Variants in NCAM2 observed in about 807,000 individuals in gnomAD.
The protein encoded by NCAM2 is N-CAM-2.
NCAM2 carries 30 observed loss-of-function variants against 98.1 expected under a neutral mutation model. The observed-to-expected ratio is 0.31, with a 90% CI of 0.23 to 0.41. The LOEUF is 0.41. NCAM2 is among the 10% of genes least tolerant of loss of function. The pLI, the probability that NCAM2 is intolerant of heterozygous loss-of-function variation, is 1.00. For synonymous variants in NCAM2, 368 were observed against 342.4 expected (o/e 1.07, Z -0.83); for missense variants, 867 against 1,005.8 (o/e 0.86, Z 1.87).
chr21:21,145,941 G>A (rs951913799), intron 1 of NCAM2, among the ~76,000 whole-genome samples: 7 of 152,110 alleles, frequency 4.6e-5, no homozygotes, highest in Non-Finnish European at 7.4e-5. Flanking sequence ...GAAGAAGAAA[G>A]GCCAGGAAGC....
chr21:21,347,101 TAAAC>T (rs1170469500), intron 8 of NCAM2, among the ~76,000 whole-genome samples: 2 of 151,842 alleles, frequency 1.3e-5, no homozygotes, highest in African/African-American at 2.4e-5. Flanking sequence ...ATTAAAAAGT[TAAAC>T]AAAATTTACA....
intron 5 of NCAM2, among the ~76,000 whole-genome samples, chr21:21,309,815 G>T (rs1171542159): frequency 6.7e-6 from 1 of 150,012 alleles, no homozygotes; most frequent in African/African-American, 2.5e-5. Context: ...TAGACAGTAA[G>T]CTGAGACACA....
intron 1 of NCAM2, among the ~76,000 whole-genome samples, 188 bp from the exon 2 acceptor site, chr21:21,280,390 A>G (rs190363602): frequency 5.3e-4 from 80 of 152,278 alleles, no homozygotes; most frequent in Middle Eastern, 3.4e-3. Context: ...TCTGATGGTT[A>G]AATGCATAAC....
intron 11 of NCAM2, among the ~76,000 whole-genome samples, chr21:21,430,817 G>T (rs1348575119): frequency 6.6e-6 from 1 of 151,952 alleles, no homozygotes; most frequent in Non-Finnish European, 1.5e-5. Flanking sequence ...GGAGGCCAAG[G>T]TGGGCAGATC....
intron 1 of NCAM2, among the ~76,000 whole-genome samples, chr21:21,085,567 A>T (rs1350679631): frequency 6.6e-6 from 1 of 152,114 alleles, no homozygotes; most frequent in Non-Finnish European, 1.5e-5. Flanking sequence ...TTTCTCTTCA[A>T]ATTTTCACCA....
At chr21:21,225,757 A>T (rs892637880) in intron 1 of NCAM2, among the ~76,000 whole-genome samples, 2 of 152,114 alleles carry the variant, frequency 1.3e-5, no homozygotes, top group Non-Finnish European at 2.9e-5. Flanking sequence ...ACAGCATGTA[A>T]TAATATTCCA....
At chr21:21,276,802 A>G (rs2072744807) in intron 1 of NCAM2, among the ~76,000 whole-genome samples, 1 of 152,090 alleles carries the variant, frequency 6.6e-6, no homozygotes, top group Non-Finnish European at 1.5e-5. Flanking sequence ...TATTTTAAAC[A>G]TATATAGCAA....
At chr21:21,480,114 C>T (rs1985702631) in intron 15 of NCAM2, among the ~76,000 whole-genome samples, 1 of 152,032 alleles carries the variant, frequency 6.6e-6, no homozygotes, top group African/African-American at 2.4e-5. Context: ...CGCCAGCAAT[C>T]CCAGCACTTT....
chr21:21,405,837 A>G (rs1323824790), intron 9 of NCAM2, among the ~76,000 whole-genome samples: 2 of 152,276 alleles, frequency 1.3e-5, no homozygotes, highest in South Asian at 2.1e-4. Flanking sequence ...TTTCTAAACT[A>G]CAATCTAGGG....
intron 15 of NCAM2, among the ~76,000 whole-genome samples, chr21:21,486,195 T>G (rs922094032): frequency 2.0e-5 from 3 of 147,726 alleles, no homozygotes; most frequent in Non-Finnish European, 3.0e-5. Flanking sequence ...TCCCAGCTAC[T>G]CGGGAGGCTG....
intron 1 of NCAM2, among the ~76,000 whole-genome samples, chr21:21,237,321 C>T (rs2070871427): frequency 6.6e-6 from 1 of 152,056 alleles, no homozygotes; most frequent in Non-Finnish European, 1.5e-5. Flanking sequence ...AAGGAAAATT[C>T]TACCTAGCTA....
intron 1 of NCAM2, among the ~76,000 whole-genome samples, chr21:21,085,079 C>T (rs1428579824): frequency 1.3e-5 from 2 of 152,110 alleles, no homozygotes; most frequent in East Asian, 3.8e-4. Flanking sequence ...ATTATGAAAA[C>T]CTGAAATTGA....
intron 8 of NCAM2, among the ~76,000 whole-genome samples, chr21:21,366,651 C>G (rs1335114505): frequency 1.3e-5 from 2 of 152,018 alleles, no homozygotes; most frequent in Non-Finnish European, 2.9e-5. Flanking sequence ...ATTCAGGAAA[C>G]AGCCTGCAGG....
rs188154872 is a variant in NCAM2 at position 21,127,903 on chromosome 21, T to C, written c.55+129285T>C. ...AAATTTAAATATACGTTTAGCTTCC[T>C]TAAATAACACACAATTATATTAACT... is the stretch of plus-strand genomic sequence containing the variant. On this transcript the variant is annotated intron_variant, in intron 1 of 17. Transcript: ENST00000400546. 2.5e-3 allele frequency among the ~76,000 whole-genome samples: 382 copies of C among 152,326 alleles called. 1 individual carries two copies. Among genetic ancestry groups the C allele is most frequent in the Non-Finnish European group, 3.4e-3 (230 of 68,014 alleles).
chr21:21,183,568 C>T (rs1167671736), intron 1 of NCAM2, among the ~76,000 whole-genome samples: 3 of 152,110 alleles, frequency 2.0e-5, no homozygotes, highest in Non-Finnish European at 4.4e-5. Context: ...ATTCCCCCAC[C>T]TGGCCATGGC....
At chr21:21,530,504 A>G (rs909911559) in intron 16 of NCAM2, among the ~76,000 whole-genome samples, 15 of 150,772 alleles carry the variant, frequency 9.9e-5, no homozygotes, top group African/African-American at 3.4e-4. Flanking sequence ...TTCCTTCCCA[A>G]TAATTTTCCA....
intron 1 of NCAM2, among the ~76,000 whole-genome samples, chr21:21,147,765 T>C: frequency 6.8e-6 from 1 of 147,872 alleles, no homozygotes; most frequent in Non-Finnish European, 1.5e-5. Context: ...TTGATGTGTG[T>C]GCATATGCAC....
At chr21:21,510,914 T>C (rs1371421649) in intron 16 of NCAM2, among the ~76,000 whole-genome samples, 1 of 152,014 alleles carries the variant, frequency 6.6e-6, no homozygotes, top group Non-Finnish European at 1.5e-5. Flanking sequence ...ACGTCTCCTT[T>C]CCTGTCCCTA....
chr21:21,040,333 T>A (rs1568956639), intron 1 of NCAM2, among the ~76,000 whole-genome samples: 1 of 152,176 alleles, frequency 6.6e-6, no homozygotes, highest in Non-Finnish European at 1.5e-5. Context: ...TGAGTTCTGG[T>A]GTCCTACTCA....
Sources: allele counts gnomAD v4.1 joint callset (sites outside exome capture counted in the v4.1 genomes callset), GRCh38; gene constraint gnomAD v4.1.1; transcripts MANE v1.5; gene names NCBI Gene and HGNC (gene_info 2026-07-23, HGNC 2026-07-21).